The following NRXN1 variants were observed in gnomAD, a reference collection of about 807,000 sequenced individuals.
NRXN1 encodes the protein neurexin 1.
A neutral mutation model predicts 150.9 loss-of-function variants in NRXN1; 39 were observed. The observed-to-expected ratio is 0.26, with a 90% CI of 0.20 to 0.34. The LOEUF (loss-of-function observed/expected upper bound fraction) is 0.34. Among genes scored for constraint, NRXN1 ranks in the 10% least tolerant of loss-of-function variants. The pLI is 1.00. For missense variants in NRXN1, 1,815 were observed against 1,949.9 expected (o/e 0.93, Z 1.30); for synonymous variants, 924 against 757.0 (o/e 1.22, Z -3.62).
chr2:50,339,903 T>C (rs1296838900), intron 17 of NRXN1, among the ~76,000 whole-genome samples: 1 of 152,230 alleles, frequency 6.6e-6, no homozygotes, highest in Non-Finnish European at 1.5e-5. Context: ...GCTAATTTTA[T>C]TGTTAATGAA....
At chr2:50,173,967 T>G (rs2060187807) in intron 18 of NRXN1, among the ~76,000 whole-genome samples, 1 of 152,128 alleles carries the variant, frequency 6.6e-6, no homozygotes, top group African/African-American at 2.4e-5. Flanking sequence ...ATGCACTAAG[T>G]GTCTTTCTTC....
chr2:49,981,658 T>C (rs1680011413), intron 21 of NRXN1, among the ~76,000 whole-genome samples: 1 of 152,068 alleles, frequency 6.6e-6, no homozygotes. Context: ...CCTATGCATA[T>C]GTACATACAG....
At chr2:50,963,873 G>T in intron 2 of NRXN1, 1 of 333,220 alleles carries the variant, frequency 3.0e-6, no homozygotes, top group South Asian at 2.5e-5. Context: ...ACAATGTTCT[G>T]AAAATAGCCA....
At chr2:50,069,854 T>TTTG (rs1553557631) in intron 19 of NRXN1, among the ~76,000 whole-genome samples, 16 of 139,716 alleles carry the variant, frequency 1.1e-4, no homozygotes, top group African/African-American at 4.5e-4. Flanking sequence ...GGGGTTTTTT[T>TTTG]TTTTTTTTTT....
At chr2:50,279,329 G>T (rs1430011113) in intron 17 of NRXN1, among the ~76,000 whole-genome samples, 1 of 152,070 alleles carries the variant, frequency 6.6e-6, no homozygotes, top group Admixed American at 6.6e-5. Flanking sequence ...CAGCTTAAAA[G>T]TTACAAAATG....
At chr2:50,169,659 C>T (rs1460472738) in intron 18 of NRXN1, among the ~76,000 whole-genome samples, 5 of 141,918 alleles carry the variant, frequency 3.5e-5, no homozygotes, top group African/African-American at 5.4e-5. Context: ...TTGCAGTGAG[C>T]GGAGAATGCG....
intron 18 of NRXN1, among the ~76,000 whole-genome samples, chr2:50,219,762 C>G (rs1332350462): frequency 6.7e-6 from 1 of 149,308 alleles, no homozygotes; most frequent in Non-Finnish European, 1.5e-5. Context: ...GTGGCACATG[C>G]CTGCAGTCCC....
chr2:50,191,737 T>C (rs1266923472), intron 18 of NRXN1, among the ~76,000 whole-genome samples: 3 of 152,208 alleles, frequency 2.0e-5, no homozygotes, highest in Non-Finnish European at 4.4e-5. Context: ...GAGATCCATC[T>C]AAGTTGTTGT....
intron 2 of NRXN1, among the ~76,000 whole-genome samples, chr2:50,990,515 G>T (rs1335874363): frequency 6.6e-6 from 1 of 151,948 alleles, no homozygotes; most frequent in Non-Finnish European, 1.5e-5. Context: ...CTCTAGGGAA[G>T]AAACACTTAC....
At chr2:50,634,156 G>T (rs1383031081) in intron 5 of NRXN1, among the ~76,000 whole-genome samples, 1 of 152,168 alleles carries the variant, frequency 6.6e-6, no homozygotes, top group East Asian at 1.9e-4. Flanking sequence ...GATGCACAAT[G>T]GGAAGCTACT....
chr2:50,636,021 T>C (rs1299882247), intron 5 of NRXN1, among the ~76,000 whole-genome samples: 1 of 152,184 alleles, frequency 6.6e-6, no homozygotes, highest in Non-Finnish European at 1.5e-5. Context: ...AAATCACTAC[T>C]CAGCAATTTT....
chr2:50,667,238 A>G (rs543328757), intron 5 of NRXN1, among the ~76,000 whole-genome samples: 2 of 152,064 alleles, frequency 1.3e-5, no homozygotes, highest in South Asian at 2.1e-4. Context: ...TCTTAATTGC[A>G]TATTATCAAC....
intron 21 of NRXN1, among the ~76,000 whole-genome samples, chr2:49,985,658 A>C (rs909560100): frequency 3.3e-5 from 5 of 152,226 alleles, no homozygotes; most frequent in Non-Finnish European, 7.3e-5. Flanking sequence ...TGTGACAAGC[A>C]AGACAAATGG....
intron 17 of NRXN1, among the ~76,000 whole-genome samples, chr2:50,441,790 T>C (rs2085976437): frequency 6.6e-6 from 1 of 152,164 alleles, no homozygotes; most frequent in Non-Finnish European, 1.5e-5. Flanking sequence ...AAAATTTTAT[T>C]GAAAATTTCT....
At chr2:50,307,115 T>C (rs1286277740) in intron 17 of NRXN1, among the ~76,000 whole-genome samples, 1 of 151,842 alleles carries the variant, frequency 6.6e-6, no homozygotes, top group African/African-American at 2.4e-5. Context: ...CTCCTGAGCA[T>C]CTGGGACTAC....
rs547706602 is a variant in NRXN1 at position 50,471,837 on chromosome 2, A to G, written c.3244+461T>C. On this transcript the variant is annotated intron_variant, in intron 16 of 22. Transcript: ENST00000401669. ...CTGTACAAAAAACCCCTATGACACA[A>G]GTTGACCTACATAACAAACTTGCAC... Among the ~76,000 whole-genome samples the G allele has an allele frequency of 2.4e-3, 366 of 151,952 alleles. 1 individual carries two copies. The highest frequency in any genetic ancestry group is 8.5e-3 in the African/African-American group (351 of 41,488).
intron 2 of NRXN1, among the ~76,000 whole-genome samples, chr2:50,952,150 T>C (rs1229089871): frequency 6.6e-6 from 1 of 150,950 alleles, no homozygotes; most frequent in African/African-American, 2.4e-5. Context: ...GTATTTTTAG[T>C]AGAGACGGGG....
chr2:50,764,345 G>C (rs1022601454), intron 5 of NRXN1, among the ~76,000 whole-genome samples: 2 of 151,906 alleles, frequency 1.3e-5, no homozygotes, highest in African/African-American at 4.8e-5. Flanking sequence ...TTTGCGTATG[G>C]TGCAAACCAT....
At chr2:51,003,935 C>CT in intron 2 of NRXN1, among the ~76,000 whole-genome samples, 1 of 151,946 alleles carries the variant, frequency 6.6e-6, no homozygotes, top group Non-Finnish European at 1.5e-5. Context: ...TTAAGGCTCT[C>CT]TTTTCATAGA....
Sources: allele counts gnomAD v4.1 joint callset (sites outside exome capture counted in the v4.1 genomes callset), GRCh38; gene constraint gnomAD v4.1.1; transcripts MANE v1.5; gene names NCBI Gene and HGNC (gene_info 2026-07-23, HGNC 2026-07-21).